RRM2: variants seen among roughly 807,000 people sequenced by gnomAD.
The protein encoded by RRM2 is ribonucleotide reductase regulatory subunit M2, also known as ribonucleoside-diphosphate reductase subunit M2.
A neutral mutation model predicts 45.9 loss-of-function variants in RRM2; 6 were observed. The observed-to-expected ratio is 0.13, with a 90% CI of 0.07 to 0.26. The LOEUF (loss-of-function observed/expected upper bound fraction) is 0.26, where lower values mean the gene tolerates loss of function less well. Ranked by LOEUF, RRM2 falls within the 10% of genes least tolerant of loss-of-function variation. The pLI, the probability that RRM2 is intolerant of heterozygous loss-of-function variation, is 1.00. For missense variants in RRM2, 343 were observed against 489.5 expected (o/e 0.70, Z 2.82); for synonymous variants, 177 against 173.0 (o/e 1.02, Z -0.18).
At chr2:10,154,295 G>A (rs1042546640) in intron 3 of RRM2, among the ~76,000 whole-genome samples, 8 of 152,018 alleles carry the variant, frequency 5.3e-5, no homozygotes, top group Non-Finnish European at 1.2e-4. Flanking sequence ...CCAACATAGC[G>A]AGACCTCGCC....
At position 10,185,129 on chromosome 2, in the gene RRM2, T is replaced by C. The variant is rs1664138084; in HGVS notation, n.483-25182T>C. Among the ~76,000 whole-genome samples, 1 of 152,254 alleles carries C rather than the reference T, an allele frequency of 6.6e-6. No individual in the cohort carries two copies. The highest frequency in any genetic ancestry group is 1.5e-5 in the Non-Finnish European group (1 of 68,050). On this transcript the variant is annotated intron_variant and non_coding_transcript_variant, in intron 3 of 3. Coordinates refer to the RRM2 transcript ENST00000381786. This position sits in a 1 kb window ranked among gnomAD's most constrained non-coding sequence, Gnocchi z 4.3. ...TTTCTGTGATGTTTTGTTTGACTAA[T>C]GCTTATTTTCCCTTTTGTATCAGTA...
intron 3 of RRM2, among the ~76,000 whole-genome samples, chr2:10,186,433 G>A (rs1664168047): frequency 6.6e-6 from 1 of 152,090 alleles, no homozygotes; most frequent in Non-Finnish European, 1.5e-5. Context: ...GGGATTACAG[G>A]CGTGAGCCAC....
Position 10,183,419 on chromosome 2 carries a change from A to T in RRM2, n.483-26892A>T, listed in dbSNP as rs111767147. 6.6e-5 allele frequency among the ~76,000 whole-genome samples: 10 copies of T among 152,360 alleles called. 1 individual carries two copies. The highest frequency in any genetic ancestry group is 2.4e-4 in the African/African-American group (10 of 41,598). On this transcript the variant is annotated intron_variant and non_coding_transcript_variant, in intron 3 of 3. Transcript: ENST00000381786. The stretch of plus-strand genomic sequence containing the variant: ...CAACATCCAATAAGAAGCCTGTGAC[A>T]GAGTCAACAGTGGCAAGAGCCCTTT...
upstream of RRM2, chr2:10,122,694 G>T: frequency 1.3e-6 from 2 of 1,550,840 alleles, no homozygotes; most frequent in Non-Finnish European, 1.7e-6. Flanking sequence ...GGCCGGGAGC[G>T]CGCGGCGCGG....
At position 10,195,993 on chromosome 2, in the gene RRM2, G is replaced by T. The variant is rs1273960784; in HGVS notation, n.483-14318G>T. ...CTGCAGCCGTCTTGCTACCAGCAGG[G>T]CAAGGCAGAGCCGGCCGCCCAGGGA... On this transcript the variant is annotated intron_variant and non_coding_transcript_variant, in intron 3 of 3. Coordinates refer to the RRM2 transcript ENST00000381786. This position sits in a 1 kb window ranked among gnomAD's most constrained non-coding sequence, Gnocchi z 4.9. 6.6e-6 allele frequency among the ~76,000 whole-genome samples: 1 copy of T among 152,246 alleles called. No homozygotes were observed. Among genetic ancestry groups the T allele is most frequent in the African/African-American group, 2.4e-5 (1 of 41,466 alleles).
intron 3 of RRM2, among the ~76,000 whole-genome samples, chr2:10,146,397 G>A (rs747765121): frequency 1.2e-4 from 19 of 152,340 alleles, no homozygotes; most frequent in Non-Finnish European, 2.2e-4. Context: ...TATTTTTAAA[G>A]CTCCCTGGTA....
At position 10,127,294 on chromosome 2, in the gene RRM2, G is replaced by A. The variant is rs1470994951; in HGVS notation, c.798+74G>A. The A allele has an allele frequency of 2.0e-6, 3 of 1,501,430 alleles. No homozygotes were observed. The African/African-American group carries it at 4.1e-5, about 21-fold the overall frequency. The allele number at this position is 1,501,430 out of a possible 1,614,324, so 93.0% of individuals were successfully genotyped here. ...GGGCATGCTCTTGTGTTCACTGACG[G>A]GGACCTGAGATGCTAGATGGCATAT... On this transcript the variant is annotated intron_variant, in intron 7 of 9. Transcript: ENST00000304567. This position sits in a 1 kb window ranked among gnomAD's most constrained non-coding sequence, Gnocchi z 4.1.
chr2:10,194,354 T>G (rs1165062951), intron 3 of RRM2, among the ~76,000 whole-genome samples: 3 of 152,146 alleles, frequency 2.0e-5, no homozygotes, highest in Admixed American at 2.0e-4. Context: ...CTGGCGGGGC[T>G]CTGGGGGTAA....
exon 4 of RRM2, chr2:10,210,696 T>A: frequency 6.2e-6 from 7 of 1,124,676 alleles, no homozygotes; most frequent in Non-Finnish European, 8.4e-6. Context: ...GGTGGGAAAC[T>A]GGGGTGATGT....
chr2:10,124,924 C>T, intron 5 of RRM2, 74 bp downstream of exon 5: 1 of 1,403,762 alleles, frequency 7.1e-7, no homozygotes. Flanking sequence ...TTTAGTTCAC[C>T]TAGGGATAAA....
downstream of RRM2, among the ~76,000 whole-genome samples, chr2:10,135,235 G>T (rs1347750331): frequency 6.6e-6 from 1 of 152,178 alleles, no homozygotes; most frequent in Non-Finnish European, 1.5e-5. Flanking sequence ...GGGCATCATG[G>T]TGCATGCCTG....
At chr2:10,202,073 T>A (rs973704761) in intron 3 of RRM2, among the ~76,000 whole-genome samples, 1 of 152,260 alleles carries the variant, frequency 6.6e-6, no homozygotes, top group African/African-American at 2.4e-5. Context: ...AAACCCACTG[T>A]GCTTTTATTT....
intron 3 of RRM2, among the ~76,000 whole-genome samples, chr2:10,174,306 A>C (rs926802163): frequency 2.0e-5 from 3 of 152,108 alleles, no homozygotes; most frequent in Non-Finnish European, 4.4e-5. Flanking sequence ...GCGCTTGGGG[A>C]GAAGCAGAAT....
At chr2:10,155,851 C>T (rs1442209249) in intron 3 of RRM2, 1 of 152,232 alleles carries the variant, frequency 6.6e-6, no homozygotes, top group African/African-American at 2.4e-5. Flanking sequence ...CACTGTGCCC[C>T]TAGCGAGGTG....
rs546999800 is a variant in RRM2 at position 10,165,489 on chromosome 2, C to T, written n.482+23114C>T. On this transcript the variant is annotated intron_variant and non_coding_transcript_variant, in intron 3 of 3. Coordinates refer to the RRM2 transcript ENST00000381786. ...GGGAAGCCAACAGGGGTGAGGACCA[C>T]GGCGCAGGGGCCACATTTAACCGGC... Among the ~76,000 whole-genome samples the T allele has an allele frequency of 7.9e-5, 12 of 152,360 alleles. No homozygotes were observed. The East Asian group carries it at 1.5e-3, about 20-fold the overall frequency.
chr2:10,203,045 A>AG, intron 3 of RRM2, among the ~76,000 whole-genome samples: 1 of 152,230 alleles, frequency 6.6e-6, no homozygotes, highest in Non-Finnish European at 1.5e-5. Flanking sequence ...AAGGCCAGCG[A>AG]GGGAGAAGTA....
chr2:10,140,907 C>G (rs1023570669), upstream of RRM2, among the ~76,000 whole-genome samples: 1 of 152,192 alleles, frequency 6.6e-6, no homozygotes, highest in African/African-American at 2.4e-5. Flanking sequence ...GAAGGCTATT[C>G]TGGGTCTCAG....
At chr2:10,207,812 T>C (rs1664692664) in intron 3 of RRM2, among the ~76,000 whole-genome samples, 2 of 152,162 alleles carry the variant, frequency 1.3e-5, no homozygotes. Context: ...TTCACATTTA[T>C]TCATGTAGTT....
intron 3 of RRM2, among the ~76,000 whole-genome samples, chr2:10,186,280 TG>T (rs1338963806): frequency 1.3e-5 from 2 of 151,792 alleles, no homozygotes; most frequent in Non-Finnish European, 2.9e-5. Context: ...CCCGAGTAGC[TG>T]GGATTACAGG....
Sources: allele counts gnomAD v4.1 joint callset (sites outside exome capture counted in the v4.1 genomes callset), GRCh38; gene constraint gnomAD v4.1.1; non-coding constraint Gnocchi (gnomAD v3.1); transcripts MANE v1.5; gene names NCBI Gene and HGNC (gene_info 2026-07-23, HGNC 2026-07-21).